The following TENM3 variants were observed in gnomAD, a reference collection of about 807,000 sequenced individuals.
TENM3 encodes teneurin transmembrane protein 3.
Under a neutral mutation model 255.1 loss-of-function variants are expected in TENM3, and 63 were observed. The ratio of observed to expected loss-of-function variants is 0.25; its 90% CI spans 0.20 to 0.30. The LOEUF is 0.30. TENM3 is among the 10% of genes least tolerant of loss of function. The pLI is 1.00. For missense variants in TENM3, 2,929 were observed against 3,461.1 expected (o/e 0.85, Z 3.86); for synonymous variants, 1,306 against 1,322.3 (o/e 0.99, Z 0.27).
In TENM3 at chr4:182,426,799, T is replaced by C. The variant is rs546403790; in HGVS notation, c.511+79870T>C. On this transcript the variant is annotated intron_variant, in intron 3 of 27. Coordinates refer to ENST00000511685, the MANE Select transcript of TENM3 (RefSeq NM_001080477.4). ...CCTACAGTTAATACTTTGACGAGTA[T>C]AATTTAAATCATAACTAATTGTTGA... is the stretch of plus-strand genomic sequence containing the variant. 2.6e-5 allele frequency among the ~76,000 whole-genome samples: 4 copies of C among 152,306 alleles called. No homozygotes were observed. In the East Asian group the frequency reaches 7.7e-4, roughly 29 times the overall value.
the TENM3 span, among the ~76,000 whole-genome samples, chr4:181,549,480 C>A: frequency 1.1e-4 from 17 of 152,242 alleles, no homozygotes; most frequent in African/African-American, 3.1e-4. Context: ...AGCCACCAGC[C>A]TCTCTCCAAC....
At chr4:182,592,755 GTTTT>G (rs1396398179) in intron 3 of TENM3, among the ~76,000 whole-genome samples, 1 of 152,032 alleles carries the variant, frequency 6.6e-6, no homozygotes, top group Non-Finnish European at 1.5e-5. Flanking sequence ...AAAACAAAAA[GTTTT>G]ATACAATTTG....
rs546670274 is a variant in TENM3, at chr4:182,579,168, C to G, written c.512-21756C>G. Among the ~76,000 whole-genome samples the G allele has an allele frequency of 7.2e-5, 11 of 152,286 alleles. No homozygotes were observed. The South Asian group carries it at 1.2e-3, about 17-fold the overall frequency. On this transcript the variant is annotated intron_variant, in intron 3 of 27. Transcript: ENST00000511685. ...GACTTGTGGCTTCGCAGCGGTGAAC[C>G]ATTGTTGGTTCTAGACAAAAAACAA...
chr4:181,555,195 G>A, the TENM3 span, among the ~76,000 whole-genome samples: 15,191 of 152,122 alleles, frequency 0.1, 819 homozygotes, highest in Middle Eastern at 0.17. Flanking sequence ...TCATAACCAT[G>A]AAGTAGATAC....
At chr4:181,753,445 C>G in the TENM3 span, among the ~76,000 whole-genome samples, 2,626 of 151,954 alleles carry the variant, frequency 0.017, 43 homozygotes, top group Middle Eastern at 0.048. Flanking sequence ...AGCCAGAGTC[C>G]GCGTGGAGCA....
intron 1 of TENM3, among the ~76,000 whole-genome samples, chr4:182,164,827 G>A (rs1046207228): frequency 1.3e-5 from 2 of 152,152 alleles, no homozygotes; most frequent in Non-Finnish European, 1.5e-5. Context: ...GCTAGTTCCA[G>A]AGTCTCTGGG....
chr4:182,317,164 A>C (rs1240657515), intron 1 of TENM3, among the ~76,000 whole-genome samples: 2 of 152,216 alleles, frequency 1.3e-5, no homozygotes, highest in African/African-American at 4.8e-5. Flanking sequence ...TGTGTAAAGA[A>C]AACAACCTGC....
rs576081673 is a variant in TENM3, at chr4:182,524,733, G to C, written c.512-76191G>C. 3.3e-5 allele frequency among the ~76,000 whole-genome samples: 5 copies of C among 151,100 alleles called. No homozygotes were observed. In the South Asian group the frequency reaches 8.4e-4, roughly 25 times the overall value. On this transcript the variant is annotated intron_variant, in intron 3 of 27. Coordinates refer to ENST00000511685, the MANE Select transcript of TENM3 (RefSeq NM_001080477.4). ...AGAGTCATTGCTTTTTAAGACAAGA[G>C]GGGGCCAGGCACAGTGGCTCATACC... is the stretch of plus-strand genomic sequence containing the variant.
chr4:181,668,266 C>G, the TENM3 span, among the ~76,000 whole-genome samples: 1 of 152,156 alleles, frequency 6.6e-6, no homozygotes, highest in Non-Finnish European at 1.5e-5. Flanking sequence ...TTGTTTCTAC[C>G]CTATCACTAG....
the TENM3 span, among the ~76,000 whole-genome samples, chr4:182,086,468 A>G: frequency 1.3e-5 from 2 of 152,226 alleles, no homozygotes; most frequent in Admixed American, 1.3e-4. Flanking sequence ...TCATGTGCAG[A>G]CACTTTAATA....
At chr4:182,647,704 T>C (rs1028870600) in intron 5 of TENM3, among the ~76,000 whole-genome samples, 4 of 152,230 alleles carry the variant, frequency 2.6e-5, no homozygotes, top group Non-Finnish European at 4.4e-5. Flanking sequence ...AAGTATCTCT[T>C]CAAGACCTTA....
the TENM3 span, among the ~76,000 whole-genome samples, chr4:181,788,503 C>T: frequency 6.6e-6 from 1 of 152,188 alleles, no homozygotes; most frequent in Non-Finnish European, 1.5e-5. Context: ...GAAACACAGT[C>T]AGTCAGCAGA....
intron 3 of TENM3, among the ~76,000 whole-genome samples, chr4:182,469,015 C>G (rs1427983402): frequency 1.3e-5 from 2 of 152,040 alleles, no homozygotes; most frequent in Non-Finnish European, 2.9e-5. Context: ...AAACAAAGAT[C>G]AGTAAATCAA....
chr4:182,479,130 T>G (rs1274931270), intron 3 of TENM3, among the ~76,000 whole-genome samples: 1 of 14,044 alleles, frequency 7.1e-5, no homozygotes, highest in Non-Finnish European at 4.4e-4. Context: ...AACAATATAG[T>G]TAAGTGTTCA....
At chr4:181,633,189 C>T in the TENM3 span, among the ~76,000 whole-genome samples, 1 of 152,186 alleles carries the variant, frequency 6.6e-6, no homozygotes, top group Admixed American at 6.5e-5. Flanking sequence ...CCCTCAGCAA[C>T]AAACTTGCAA....
the TENM3 span, among the ~76,000 whole-genome samples, chr4:182,059,490 G>A: frequency 6.6e-6 from 1 of 151,882 alleles, no homozygotes; most frequent in Non-Finnish European, 1.5e-5. Context: ...CATAAAAAAA[G>A]GAACAAATGT....
At chr4:181,463,813 T>C in the TENM3 span, among the ~76,000 whole-genome samples, 1 of 152,098 alleles carries the variant, frequency 6.6e-6, no homozygotes, top group South Asian at 2.1e-4. Flanking sequence ...TTCATCATTT[T>C]CCCCTCCCCC....
chr4:181,857,860 A>G, the TENM3 span, among the ~76,000 whole-genome samples: 1 of 152,086 alleles, frequency 6.6e-6, no homozygotes. Context: ...CCTGACATTC[A>G]TTAAAGAAAC....
chr4:181,550,018 G>T, the TENM3 span, among the ~76,000 whole-genome samples: 1 of 152,066 alleles, frequency 6.6e-6, no homozygotes, highest in South Asian at 2.1e-4. Context: ...AGTGCTCGGG[G>T]TTCATTTTAC....
Sources: gnomAD v4.1 joint callset for allele counts (sites outside exome capture counted in the v4.1 genomes callset) on GRCh38, gnomAD v4.1.1 for gene constraint, MANE v1.5 for transcripts, NCBI Gene and HGNC (gene_info 2026-07-23, HGNC 2026-07-21) for gene names.